FAT3: variants seen among roughly 807,000 people sequenced by gnomAD.
The protein encoded by FAT3 is protocadherin Fat 3.
A neutral mutation model predicts 310.2 loss-of-function variants in FAT3; 95 were observed. The ratio of observed to expected loss-of-function variants is 0.31; its 90% CI spans 0.26 to 0.36. The LOEUF (loss-of-function observed/expected upper bound fraction) is 0.36. Among genes scored for constraint, FAT3 ranks in the 10% least tolerant of loss-of-function variants. The probability of loss-of-function intolerance (pLI) is 1.00; values close to 1 mark genes in which losing one functional copy is unlikely to be tolerated. For missense variants in FAT3, 5,408 were observed against 5,715.6 expected (o/e 0.95, Z 1.74); for synonymous variants, 2,314 against 2,192.9 (o/e 1.06, Z -1.54).
chr11:92,686,917 G>A (rs1467733321), intron 3 of FAT3, among the ~76,000 whole-genome samples: 2 of 152,218 alleles, frequency 1.3e-5, no homozygotes, highest in South Asian at 2.1e-4. Context: ...ATTTCTAAGG[G>A]GAGTGCAGTG....
intron 3 of FAT3, among the ~76,000 whole-genome samples, chr11:92,551,686 ATTTTG>A (rs1954829222): frequency 6.6e-6 from 1 of 152,142 alleles, no homozygotes; most frequent in Non-Finnish European, 1.5e-5. Flanking sequence ...CTATGGACTT[ATTTTG>A]ACAGTGAAAT....
At chr11:92,584,367 C>T (rs12791556) in intron 3 of FAT3, among the ~76,000 whole-genome samples, 1 of 151,816 alleles carries the variant, frequency 6.6e-6, no homozygotes. Context: ...TGATTTATCC[C>T]TAATTCATAG....
chr11:92,682,630 A>T (rs1482909401), intron 3 of FAT3, among the ~76,000 whole-genome samples: 1 of 152,242 alleles, frequency 6.6e-6, no homozygotes, highest in Admixed American at 6.5e-5. Flanking sequence ...GTGATCAACC[A>T]TCTTAGTTTC....
At chr11:92,447,226 T>TGTGTGC (rs1555049365) in intron 2 of FAT3, among the ~76,000 whole-genome samples, 194 of 140,904 alleles carry the variant, frequency 1.4e-3, no homozygotes, top group African/African-American at 5.0e-3. Flanking sequence ...TGTGTGCGTG[T>TGTGTGC]GTGTGTGTGT....
At position 92,800,052 on chromosome 11, in the gene FAT3, C is replaced by G; in HGVS notation, c.7039C>G (p.Leu2347Val). 6.2e-7 allele frequency: 1 copy of G among 1,613,958 alleles called. No individual in the cohort carries two copies. Among genetic ancestry groups the G allele is most frequent in the Non-Finnish European group, 8.5e-7 (1 of 1,179,868 alleles). Residue 2347 changes from leucine to valine, a missense_variant, in exon 10 of 28, where the codon CTG becomes GTG. Physicochemically the swap from Leu to Val is conservative, Grantham distance 32 (BLOSUM62 1). Coordinates refer to ENST00000525166, the MANE Select transcript of FAT3 (RefSeq NM_001367949.2). ...FHIDSSSGLI[L>V]TARMLDHELV... is the part of the protein sequence containing the mutation. The stretch of plus-strand genomic sequence containing the variant: ...CATAGATAGCTCAAGTGGCTTAATC[C>G]TGACAGCACGAATGCTGGACCATGA...
intron 13 of FAT3, among the ~76,000 whole-genome samples, chr11:92,823,234 G>A (rs907895174): frequency 2.0e-5 from 3 of 152,110 alleles, no homozygotes; most frequent in African/African-American, 7.2e-5. Context: ...ATGATCGTTG[G>A]GTAGCTATCC....
chr11:92,226,724 C>T (rs1317218403), intron 1 of FAT3, among the ~76,000 whole-genome samples: 3 of 152,100 alleles, frequency 2.0e-5, no homozygotes, highest in Non-Finnish European at 4.4e-5. Context: ...GTGGCTCTGG[C>T]ACGCGGAATC....
At chr11:92,837,929 A>T in intron 17 of FAT3, 123 bp downstream of exon 17, 1 of 1,205,806 alleles carries the variant, frequency 8.3e-7, no homozygotes, top group Non-Finnish European at 1.2e-6. Flanking sequence ...TTCATAGGGC[A>T]GGTATGAAAA....
chr11:92,398,712 G>A (rs573732284), intron 2 of FAT3, among the ~76,000 whole-genome samples: 25 of 152,170 alleles, frequency 1.6e-4, no homozygotes, highest in African/African-American at 4.6e-4. Flanking sequence ...CAATTCAACC[G>A]ATAATAAATA....
At chr11:92,467,440 T>C (rs1951793030) in intron 2 of FAT3, among the ~76,000 whole-genome samples, 1 of 152,204 alleles carries the variant, frequency 6.6e-6, no homozygotes, top group South Asian at 2.1e-4. Context: ...CTCTACTTAT[T>C]ATCTTGCCTT....
rs1221660446 is a variant in FAT3, at chr11:92,844,627, G to A, written c.11260G>A (p.Glu3754Lys). The change falls in exon 19 of 28, where the codon GAG becomes AAG. Residue 3754 changes from glutamate to lysine, a missense_variant. This residue lies in a region of FAT3 where 4,588 missense variants were observed against 4,809.8 expected (regional missense o/e 0.95). Transcript: ENST00000525166. ...GCTGGACTGTCAGGAACAGCATTGT[G>A]AGCAAGGCTTGTCACTCGATTCCCA... ...SGLDCQEQHCEQGLSLDSHAL... is the reference protein window; with the variant it reads ...SGLDCQEQHCKQGLSLDSHAL... 3 of 1,612,962 alleles carry A rather than the reference G, an allele frequency of 1.9e-6. No homozygotes were observed. Among genetic ancestry groups the A allele is most frequent in the Non-Finnish European group, 2.5e-6 (3 of 1,179,464 alleles).
rs1034025851 is a variant in FAT3 at position 92,353,021 on chromosome 11, T to A, written c.909T>A (p.Ile303=). 9.3e-6 allele frequency: 15 copies of A among 1,613,642 alleles called. No homozygotes were observed. The highest frequency in any genetic ancestry group is 1.3e-5 in the Non-Finnish European group (15 of 1,179,854). ...GANGEIESVS[I]VAGDPLDQFF... ...ATGGAGAGATCGAATCTGTTTCCAT[T>A]GTGGCTGGGGATCCTTTAGATCAGT... The change falls in exon 2 of 28, where the codon ATT becomes ATA. Residue 303 remains isoleucine (I), a synonymous_variant. Transcript: ENST00000525166.
At chr11:92,467,328 G>C (rs1008890839) in intron 2 of FAT3, among the ~76,000 whole-genome samples, 1 of 152,190 alleles carries the variant, frequency 6.6e-6, no homozygotes, top group Non-Finnish European at 1.5e-5. Context: ...CTGATGGACA[G>C]TGATGGTGAG....
chr11:92,790,483 T>C (rs1348972288), intron 8 of FAT3, among the ~76,000 whole-genome samples: 4 of 152,202 alleles, frequency 2.6e-5, no homozygotes, highest in Non-Finnish European at 5.9e-5. Flanking sequence ...ACAGACTGAC[T>C]TGAGAGGGAA....
At chr11:92,470,947 A>G (rs905491177) in intron 2 of FAT3, among the ~76,000 whole-genome samples, 1 of 152,236 alleles carries the variant, frequency 6.6e-6, no homozygotes, top group Non-Finnish European at 1.5e-5. Context: ...TAAACTAGCA[A>G]TAGCTACATT....
intron 11 of FAT3, among the ~76,000 whole-genome samples, chr11:92,806,087 C>T (rs1373410598): frequency 2.0e-5 from 3 of 152,128 alleles, no homozygotes; most frequent in African/African-American, 7.2e-5. Context: ...GGGGATGTTC[C>T]TCTGTTTTCT....
intron 3 of FAT3, among the ~76,000 whole-genome samples, chr11:92,642,681 T>C (rs770799298): frequency 6.6e-6 from 1 of 152,226 alleles, no homozygotes; most frequent in Non-Finnish European, 1.5e-5. Context: ...TAGAGAGCAT[T>C]GAGACAGGGC....
chr11:92,882,946 G>C lies in FAT3; in HGVS notation c.12490G>C (p.Val4164Leu), dbSNP rs765324804. The C allele has an allele frequency of 5.0e-6, 8 of 1,613,392 alleles. No homozygotes were observed. Among genetic ancestry groups the C allele is most frequent in the Middle Eastern group, 1.6e-4 (1 of 6,084 alleles). Residue 4164 changes from valine to leucine, a missense_variant, in exon 24 of 28, where the codon GTC becomes CTC. By Grantham distance (32) the Val-to-Leu change is conservative. Coordinates refer to ENST00000525166, the MANE Select transcript of FAT3 (RefSeq NM_001367949.2). ...CATCGGCATCGCCGTGGTCCTCTTC[G>C]TCATCTTCATCCTGGTGGTTCTCTT... ...ELIGIAVVLF[V>L]IFILVVLFIV...
intron 2 of FAT3, among the ~76,000 whole-genome samples, chr11:92,442,475 A>C (rs1248122064): frequency 6.6e-6 from 1 of 151,780 alleles, no homozygotes; most frequent in African/African-American, 2.4e-5. Flanking sequence ...TAAGTATATA[A>C]ATAAATAAAT....
Sources: gnomAD v4.1 joint callset for allele counts (sites outside exome capture counted in the v4.1 genomes callset) on GRCh38, gnomAD v4.1.1 for gene constraint, gnomAD v4.1.1 regional missense constraint, MANE v1.5 for transcripts, NCBI Gene and HGNC (gene_info 2026-07-23, HGNC 2026-07-21) for gene names.